Variants in EIF4E3 observed in about 807,000 individuals in gnomAD.
EIF4E3 encodes eukaryotic translation initiation factor 4E family member 3, also known as eukaryotic translation initiation factor 4E type 3.
In EIF4E3, 26 loss-of-function variants were observed where a neutral mutation model predicts 31.7. The ratio of observed to expected loss-of-function variants is 0.82; its 90% confidence interval spans 0.60 to 1.14. The LOEUF is 1.14. Ranked by LOEUF, EIF4E3 falls within the 50% of genes most tolerant of loss-of-function variation. The probability of loss-of-function intolerance (pLI) is 0.00; values close to 1 mark genes in which losing one functional copy is unlikely to be tolerated. For synonymous variants in EIF4E3, 128 were observed against 107.7 expected, an observed-to-expected ratio of 1.19 and a Z score of -1.17; for missense variants, 304 against 270.9, an observed-to-expected ratio of 1.12 and a Z score of -0.86.
chr3:71,694,667 TC>T (rs971352790), intron 4 of EIF4E3, among the ~76,000 whole-genome samples: 5 of 152,176 alleles, frequency 3.3e-5, no homozygotes, highest in African/African-American at 1.2e-4. Flanking sequence ...TTATCCTCCT[TC>T]CTGTGATTCA....
chr3:71,735,580 C>T (rs1052469174), intron 1 of EIF4E3, among the ~76,000 whole-genome samples: 2 of 152,108 alleles, frequency 1.3e-5, no homozygotes, highest in African/African-American at 2.4e-5. Flanking sequence ...AGATTCCTAA[C>T]AAAGAAACGC....
intron 1 of EIF4E3, among the ~76,000 whole-genome samples, chr3:71,715,599 A>T (rs1245978797): frequency 6.6e-6 from 1 of 152,156 alleles, no homozygotes; most frequent in Admixed American, 6.5e-5. Context: ...AGGAATCAGG[A>T]CCCTGGTTCG....
At chr3:71,693,407 G>A (rs980608686) in intron 5 of EIF4E3, among the ~76,000 whole-genome samples, 3 of 152,268 alleles carry the variant, frequency 2.0e-5, no homozygotes, top group East Asian at 1.9e-4. Context: ...AGAACAAGAC[G>A]AAGGGGTTAG....
At position 71,699,608 on chromosome 3, in the gene EIF4E3, A is replaced by G. The variant is rs2049186749; in HGVS notation, c.344+6T>C. On this transcript the variant is annotated splice_donor_region_variant and intron_variant, in intron 3 of 6. Coordinates refer to ENST00000425534, the MANE Select transcript of EIF4E3 (RefSeq NM_001134651.2). ...CTTGACCTTAAATTACACGTTAGAC[A>G]CTTACCAAAGTGGTCGCCTCTCTCC... 1 of 1,613,156 alleles carries G rather than the reference A, an allele frequency of 6.2e-7. No homozygotes were observed. The highest frequency in any genetic ancestry group is 8.5e-7 in the Non-Finnish European group (1 of 1,179,536).
intron 2 of EIF4E3, among the ~76,000 whole-genome samples, chr3:71,708,394 G>C (rs2049325275): frequency 6.6e-6 from 1 of 152,124 alleles, no homozygotes; most frequent in South Asian, 2.1e-4. Context: ...CGTGATGGTT[G>C]TATGTGCGTA....
downstream of EIF4E3, among the ~76,000 whole-genome samples, chr3:71,673,781 C>T (rs1355192014): frequency 6.6e-6 from 1 of 151,790 alleles, no homozygotes; most frequent in Non-Finnish European, 1.5e-5. Context: ...GTGCCTAACA[C>T]ATCATAGCTG....
At chr3:71,741,194 G>GCGCACACA (rs1553669128) in intron 1 of EIF4E3, among the ~76,000 whole-genome samples, 97 of 149,318 alleles carry the variant, frequency 6.5e-4, no homozygotes, top group Admixed American at 1.9e-3. Flanking sequence ...ACATGCACGC[G>GCGCACACA]CACACACACA....
chr3:71,688,142 C>T (rs1156759737), intron 6 of EIF4E3, among the ~76,000 whole-genome samples: 10 of 152,044 alleles, frequency 6.6e-5, no homozygotes, highest in Non-Finnish European at 1.5e-5. Flanking sequence ...TGCAATGGCC[C>T]CTACCTTTAG....
chr3:71,663,717 C>T, the EIF4E3 span, among the ~76,000 whole-genome samples: 1 of 152,240 alleles, frequency 6.6e-6, no homozygotes, highest in Non-Finnish European at 1.5e-5. Flanking sequence ...GTCCCGCCTG[C>T]CTGACTGTGG....
chr3:71,730,184 T>C (rs996103184), upstream of EIF4E3, among the ~76,000 whole-genome samples: 1 of 152,170 alleles, frequency 6.6e-6, no homozygotes, highest in African/African-American at 2.4e-5. Context: ...TATTCTGGGA[T>C]ACTCACGGGT....
chr3:71,681,377 G>A lies in EIF4E3; in HGVS notation c.*3305C>T, dbSNP rs371042528. The A allele has an allele frequency of 1.3e-5, 2 of 152,316 alleles. No homozygotes were observed. The highest frequency in any genetic ancestry group is 3.9e-4 in the East Asian group (2 of 5,184). The allele number at this position is 152,316 out of a possible 1,614,324, so 9.4% of individuals were successfully genotyped here. On this transcript the variant is annotated 3_prime_UTR_variant, in exon 7 of 7. Transcript: ENST00000425534. ...CAGTTTTGTCTAAAGACACAAGCTG[G>A]GATCCTCTAAGAGTTGGGCAACTAA...
At chr3:71,701,639 T>C (rs1471200996) in intron 2 of EIF4E3, among the ~76,000 whole-genome samples, 4 of 152,196 alleles carry the variant, frequency 2.6e-5, no homozygotes, top group Admixed American at 6.5e-5. Context: ...AAATCAATCC[T>C]AGGGCTCATG....
In EIF4E3 at chr3:71,682,921, T is replaced by C. The variant is rs148106478; in HGVS notation, c.*1761A>G. The C allele has an allele frequency of 2.0e-5, 3 of 152,596 alleles. No individual in the cohort carries two copies. The highest frequency in any genetic ancestry group is 1.3e-4 in the Admixed American group (2 of 15,304). The allele number at this position is 152,596 out of a possible 1,614,324, so 9.5% of individuals were successfully genotyped here. On this transcript the variant is annotated 3_prime_UTR_variant, in exon 7 of 7. Transcript: ENST00000425534. ...TTCAATCAGAAAAATACTTATATTA[T>C]AAAAAAGTTTTAATTCATGTCCAGA...
At chr3:71,740,997 G>A (rs961835061) in intron 1 of EIF4E3, among the ~76,000 whole-genome samples, 12 of 151,568 alleles carry the variant, frequency 7.9e-5, no homozygotes, top group African/African-American at 2.9e-4. Context: ...TTAGCCGGGT[G>A]TGGTGGCATT....
intron 1 of EIF4E3, among the ~76,000 whole-genome samples, chr3:71,748,265 G>A (rs2049893265): frequency 6.6e-6 from 1 of 152,066 alleles, no homozygotes; most frequent in Non-Finnish European, 1.5e-5. Context: ...TGTGAAACCT[G>A]CATATATGAA....
intron 1 of EIF4E3, among the ~76,000 whole-genome samples, chr3:71,743,436 T>C (rs2049840713): frequency 6.6e-6 from 1 of 152,088 alleles, no homozygotes; most frequent in Non-Finnish European, 1.5e-5. Context: ...ATACAAGAAC[T>C]ATACACTGGG....
intron 3 of EIF4E3, among the ~76,000 whole-genome samples, chr3:71,697,803 T>C (rs1210488028): frequency 1.3e-5 from 2 of 152,224 alleles, no homozygotes; most frequent in Non-Finnish European, 2.9e-5. Flanking sequence ...TTTTCTTTAG[T>C]CATTCATCTG....
downstream of EIF4E3, among the ~76,000 whole-genome samples, chr3:71,672,828 A>G (rs755631017): frequency 1.7e-4 from 26 of 151,538 alleles, no homozygotes; most frequent in Non-Finnish European, 3.7e-4. Flanking sequence ...TCTGGGTTGG[A>G]CTGCTCCCTG....
intron 1 of EIF4E3, among the ~76,000 whole-genome samples, chr3:71,750,079 C>T (rs76718078): frequency 0.038 from 5,845 of 152,246 alleles, 127 homozygotes; most frequent in Middle Eastern, 0.054. Context: ...CAGCATTTTG[C>T]ACCGTAGATA....
Sources: allele counts gnomAD v4.1 joint callset (sites outside exome capture counted in the v4.1 genomes callset), GRCh38; gene constraint gnomAD v4.1.1; transcripts MANE v1.5; gene names NCBI Gene and HGNC (gene_info 2026-07-23, HGNC 2026-07-21).